ANKIB1: variants seen among roughly 807,000 people sequenced by gnomAD.
The protein encoded by ANKIB1 is ankyrin repeat and IBR domain containing 1.
In ANKIB1, 43 loss-of-function variants were observed where a neutral mutation model predicts 122.1. The observed-to-expected ratio is 0.35, with a 90% CI of 0.28 to 0.45. ANKIB1 has a LOEUF of 0.45. Ranked by LOEUF, ANKIB1 falls within the 20% of genes least tolerant of loss-of-function variation. ANKIB1 has a pLI of 1.00. For synonymous variants in ANKIB1, 390 were observed against 442.0 expected, an observed-to-expected ratio of 0.88 and a Z score of 1.48; for missense variants, 992 against 1,329.5, an observed-to-expected ratio of 0.75 and a Z score of 3.95.
chr7:92,305,773 G>A (rs966270741), intron 2 of ANKIB1, among the ~76,000 whole-genome samples: 1 of 152,098 alleles, frequency 6.6e-6, no homozygotes, highest in Non-Finnish European at 1.5e-5. Context: ...GAAAACCTGA[G>A]CAAACTGTAC....
chr7:92,375,176 T>G (rs1416751393), intron 11 of ANKIB1, among the ~76,000 whole-genome samples: 1 of 152,218 alleles, frequency 6.6e-6, no homozygotes, highest in African/African-American at 2.4e-5. Flanking sequence ...TCATAGTCTA[T>G]TTGCTGATGG....
chr7:92,396,079 T>G, intron 17 of ANKIB1: 1 of 366,702 alleles, frequency 2.7e-6, no homozygotes, highest in Non-Finnish European at 4.9e-6. Flanking sequence ...AACAAGATCC[T>G]TGAAATCATC....
rs113800464 is a variant in ANKIB1, at chr7:92,269,996, C to T, written c.-91+23477C>T. Among the ~76,000 whole-genome samples, 25 of 151,378 alleles carry T rather than the reference C, an allele frequency of 1.7e-4. 1 individual carries two copies. Among genetic ancestry groups the T allele is most frequent in the Middle Eastern group, 3.4e-3 (1 of 294 alleles). On this transcript the variant is annotated intron_variant, in intron 1 of 19. Transcript: ENST00000265742. ...GACAGGCCCCAGTGTGTGAGTTCCC[C>T]GCCCTGTGTCCAAGTGATCTCATTG...
intron 1 of ANKIB1, among the ~76,000 whole-genome samples, chr7:92,287,462 A>G (rs938333136): frequency 1.3e-5 from 2 of 152,214 alleles, no homozygotes; most frequent in African/African-American, 4.8e-5. Flanking sequence ...TTTTTTCACA[A>G]GAGTACTACA....
intron 8 of ANKIB1, among the ~76,000 whole-genome samples, chr7:92,351,549 T>A (rs1562789967): frequency 6.6e-6 from 1 of 152,154 alleles, no homozygotes; most frequent in Non-Finnish European, 1.5e-5. Context: ...TAATGAATTA[T>A]AATGTTTATT....
At chr7:92,394,886 A>T (rs1356086504) in intron 17 of ANKIB1, among the ~76,000 whole-genome samples, 2 of 152,222 alleles carry the variant, frequency 1.3e-5, no homozygotes, top group Non-Finnish European at 2.9e-5. Context: ...ATATAAATAA[A>T]GGAGTTTAAA....
intron 1 of ANKIB1, among the ~76,000 whole-genome samples, chr7:92,284,714 A>G (rs1218921319): frequency 6.6e-6 from 1 of 152,024 alleles, no homozygotes; most frequent in Non-Finnish European, 1.5e-5. Context: ...CACATAGAGA[A>G]GTACATAATG....
chr7:92,259,837 T>C (rs972059492), intron 1 of ANKIB1, among the ~76,000 whole-genome samples: 1 of 152,194 alleles, frequency 6.6e-6, no homozygotes, highest in Non-Finnish European at 1.5e-5. Flanking sequence ...GTCATTCTTA[T>C]TTTTGTCTTC....
chr7:92,328,064 A>G (rs932264803), intron 5 of ANKIB1, among the ~76,000 whole-genome samples, 164 bp downstream of exon 5: 1 of 152,204 alleles, frequency 6.6e-6, no homozygotes, highest in African/African-American at 2.4e-5. Context: ...AGTTCCTCAT[A>G]ACATCTTGTA....
chr7:92,382,866 A>C (rs1431836907), intron 11 of ANKIB1, among the ~76,000 whole-genome samples: 1 of 152,214 alleles, frequency 6.6e-6, no homozygotes, highest in African/African-American at 2.4e-5. Flanking sequence ...AAAAGCTAGC[A>C]GAAGGCAAGA....
At chr7:92,334,289 A>T (rs1803240165) in intron 5 of ANKIB1, among the ~76,000 whole-genome samples, 1 of 152,140 alleles carries the variant, frequency 6.6e-6, no homozygotes, top group Non-Finnish European at 1.5e-5. Flanking sequence ...ACATATAATT[A>T]TCCTGTACTT....
At chr7:92,264,252 G>C (rs1801624147) in intron 1 of ANKIB1, among the ~76,000 whole-genome samples, 1 of 148,484 alleles carries the variant, frequency 6.7e-6, no homozygotes, top group Non-Finnish European at 1.5e-5. Flanking sequence ...TAAGTTACAT[G>C]TTTAAAAAAA....
At chr7:92,384,983 C>G (rs1000788353) in intron 11 of ANKIB1, among the ~76,000 whole-genome samples, 7 of 152,032 alleles carry the variant, frequency 4.6e-5, no homozygotes, top group African/African-American at 1.4e-4. Flanking sequence ...TTGCAATTAC[C>G]CATCTGACAA....
chr7:92,330,991 C>G (rs1803161198), intron 5 of ANKIB1, among the ~76,000 whole-genome samples: 1 of 152,170 alleles, frequency 6.6e-6, no homozygotes, highest in Non-Finnish European at 1.5e-5. Flanking sequence ...AAGGTATACT[C>G]TGTCCATTGC....
chr7:92,254,996 G>T (rs970319205), intron 1 of ANKIB1, among the ~76,000 whole-genome samples: 2 of 152,138 alleles, frequency 1.3e-5, no homozygotes, highest in African/African-American at 4.8e-5. Context: ...GTTTTAAAAA[G>T]GGGAGTTTTC....
chr7:92,321,495 A>T (rs1020420149), intron 4 of ANKIB1, among the ~76,000 whole-genome samples: 1 of 152,178 alleles, frequency 6.6e-6, no homozygotes, highest in East Asian at 1.9e-4. Context: ...GGCTAGAGCC[A>T]TATCTGCCTA....
chr7:92,280,070 T>C (rs1018061415), intron 1 of ANKIB1, among the ~76,000 whole-genome samples: 46 of 152,352 alleles, frequency 3.0e-4, no homozygotes, highest in African/African-American at 5.3e-4. Context: ...TGGAGACTTA[T>C]TCTGTTTCTG....
At chr7:92,282,941 C>T (rs1467420412) in intron 1 of ANKIB1, among the ~76,000 whole-genome samples, 1 of 152,100 alleles carries the variant, frequency 6.6e-6, no homozygotes, top group Non-Finnish European at 1.5e-5. Context: ...GCTTGTAGAC[C>T]TCATGCTAGC....
chr7:92,395,538 C>CTTTTTTT (rs35028119), intron 17 of ANKIB1, among the ~76,000 whole-genome samples: 11 of 108,286 alleles, frequency 1.0e-4, no homozygotes, highest in East Asian at 3.0e-4. Flanking sequence ...ATCCCAGTCA[C>CTTTTTTT]TTTTTTTTTT....
Sources: gnomAD v4.1 joint callset for allele counts (sites outside exome capture counted in the v4.1 genomes callset) on GRCh38, gnomAD v4.1.1 for gene constraint, MANE v1.5 for transcripts, NCBI Gene and HGNC (gene_info 2026-07-23, HGNC 2026-07-21) for gene names.